KLHL2: variants seen among roughly 807,000 people sequenced by gnomAD.
KLHL2 encodes the protein kelch like family member 2, also known as kelch-like protein 2.
A neutral mutation model predicts 75.8 loss-of-function variants in KLHL2; 15 were observed. The observed-to-expected ratio is 0.20, with a 90% CI of 0.13 to 0.30. The LOEUF (loss-of-function observed/expected upper bound fraction) is 0.30. Ranked by LOEUF, KLHL2 falls within the 10% of genes least tolerant of loss-of-function variation. The pLI is 1.00. For missense variants in KLHL2, 381 were observed against 741.0 expected, an observed-to-expected ratio of 0.51 and a Z score of 5.64; for synonymous variants, 214 against 251.9, an observed-to-expected ratio of 0.85 and a Z score of 1.42.
intron 1 of KLHL2, chr4:165,209,269 G>A (rs1737044648): frequency 6.6e-6 from 1 of 152,198 alleles, no homozygotes; most frequent in Admixed American, 6.5e-5. Context: ...TGAGCACACG[G>A]GGGTCTGCCC....
intron 11 of KLHL2, 75 bp from the exon 12 acceptor site, chr4:165,313,163 C>T (rs1746337906): frequency 6.8e-7 from 1 of 1,461,242 alleles, no homozygotes; most frequent in Non-Finnish European, 9.4e-7. Context: ...TTAATATTTT[C>T]TGGCTTGAAA....
intron 5 of KLHL2, among the ~76,000 whole-genome samples, chr4:165,270,685 C>T (rs1742616955): frequency 2.0e-5 from 3 of 152,196 alleles, no homozygotes; most frequent in Non-Finnish European, 2.9e-5. Context: ...CTGATCCTCC[C>T]TCTGGAAGCT....
intron 2 of KLHL2, among the ~76,000 whole-genome samples, chr4:165,228,071 TA>T (rs1738594863): frequency 1.3e-5 from 2 of 152,320 alleles, no homozygotes; most frequent in African/African-American, 4.8e-5. Flanking sequence ...CTAATATTTG[TA>T]TTTTTAATAG....
Position 165,313,317 on chromosome 4 carries a change from A to C in KLHL2, c.1419A>C (p.Thr473=). The C allele has an allele frequency of 1.3e-6, 2 of 1,588,886 alleles. No individual in the cohort carries two copies. Among genetic ancestry groups the C allele is most frequent in the Non-Finnish European group, 1.7e-6 (2 of 1,170,446 alleles). The change falls in exon 12 of 15, where the codon ACA becomes ACC. Residue 473 remains threonine, a synonymous_variant. Transcript: ENST00000226725. The part of the protein sequence containing the change: ...LSTVECYNAT[T]NEWTYIAEMS... Reference sequence around the variant, plus strand: ...CAGTAGAATGCTATAATGCTACAACAAATGAGTGGACCTATATAGCAGAAA... The same window carrying C: ...CAGTAGAATGCTATAATGCTACAACCAATGAGTGGACCTATATAGCAGAAA...
Position 165,207,755 on chromosome 4 carries a change from C to T in KLHL2, c.-122C>T. ...GTGGTGGCGCGCGGTGAGGAGAGCG[C>T]GGCGCCCCCTCCGGGGCGGATGGAA... On this transcript the variant is annotated 5_prime_UTR_variant, in exon 1 of 15. Coordinates refer to ENST00000226725, the MANE Select transcript of KLHL2 (RefSeq NM_007246.4). This position sits in a 1 kb window ranked among gnomAD's most constrained non-coding sequence, Gnocchi z 4.2. The T allele has an allele frequency of 1.3e-6, 1 of 755,288 alleles. No individual in the cohort carries two copies. The highest frequency in any genetic ancestry group is 2.3e-5 in the South Asian group (1 of 42,594). 46.8% of individuals were successfully genotyped at this position (755,288 alleles called of 1,614,324 possible). A position where few individuals can be genotyped will look rare whatever the true frequency, so the allele number is the denominator to read the frequency against.
chr4:165,272,851 C>T lies in KLHL2; in HGVS notation c.544+9492C>T, dbSNP rs569265862. On this transcript the variant is annotated intron_variant, in intron 5 of 14. Transcript: ENST00000226725. Reference sequence around the variant, plus strand: ...TCTGTTTCTTAGTTTGTAGAATCCTCCTTTGTAATTATGCCAAGAATTTTT... The same window carrying T: ...TCTGTTTCTTAGTTTGTAGAATCCTTCTTTGTAATTATGCCAAGAATTTTT... Among the ~76,000 whole-genome samples the T allele has an allele frequency of 2.8e-4, 43 of 152,284 alleles. 1 individual carries two copies. The highest frequency in any genetic ancestry group is 1.8e-4 in the Non-Finnish European group (12 of 68,022).
At chr4:165,308,353 G>A (rs1412479833) in intron 9 of KLHL2, among the ~76,000 whole-genome samples, 1 of 152,122 alleles carries the variant, frequency 6.6e-6, no homozygotes, top group Non-Finnish European at 1.5e-5. Context: ...ATTGCAAAAT[G>A]TATTCTTTAC....
chr4:165,211,682 A>G (rs917327102), intron 1 of KLHL2, among the ~76,000 whole-genome samples: 3 of 152,226 alleles, frequency 2.0e-5, no homozygotes, highest in African/African-American at 7.2e-5. Context: ...AAACAAGGTA[A>G]TGGTGAAAGA....
At position 165,269,167 on chromosome 4, in the gene KLHL2, G is replaced by T. The variant is rs1451407064; in HGVS notation, c.544+5808G>T. Among the ~76,000 whole-genome samples, 3 of 151,946 alleles carry T rather than the reference G, an allele frequency of 2.0e-5. No homozygotes were observed. In the South Asian group the frequency reaches 6.2e-4, roughly 32 times the overall value. On this transcript the variant is annotated intron_variant, in intron 5 of 14. Transcript: ENST00000226725. Reference sequence around the variant, plus strand: ...TTTTTTGTTTTCCATTTGCTTGGTAGATCTTCCTCCATCCCTTTATTTTGA... The same window carrying T: ...TTTTTTGTTTTCCATTTGCTTGGTATATCTTCCTCCATCCCTTTATTTTGA...
intron 1 of KLHL2, among the ~76,000 whole-genome samples, chr4:165,216,239 G>A (rs1490845102): frequency 6.6e-6 from 1 of 152,170 alleles, no homozygotes; most frequent in East Asian, 1.9e-4. Context: ...CCTCATCTGA[G>A]AAGCCACCTG....
At chr4:165,235,481 A>G (rs3901797) in intron 3 of KLHL2, among the ~76,000 whole-genome samples, 66,434 of 151,896 alleles carry the variant, frequency 0.44, 15,551 homozygotes, top group African/African-American at 0.6. Context: ...GATTACAGGC[A>G]TGAGCCCCTG....
intron 4 of KLHL2, among the ~76,000 whole-genome samples, chr4:165,259,229 A>G (rs1202646502): frequency 6.6e-6 from 1 of 151,984 alleles, no homozygotes; most frequent in Admixed American, 6.6e-5. Flanking sequence ...CAGCCTCTCA[A>G]GTAGCTGGGA....
chr4:165,279,235 G>C (rs773042644), intron 5 of KLHL2: 1 of 1,537,662 alleles, frequency 6.5e-7, no homozygotes, highest in South Asian at 1.1e-5. Context: ...TCTTGGACTT[G>C]ACAAAGTTAT....
intron 5 of KLHL2, among the ~76,000 whole-genome samples, chr4:165,285,667 A>G (rs1019163769): frequency 2.6e-5 from 4 of 152,142 alleles, no homozygotes; most frequent in Non-Finnish European, 5.9e-5. Context: ...TCGGCCTCCC[A>G]AAGTGCTGGG....
At chr4:165,262,542 C>T (rs1213835502) in intron 4 of KLHL2, among the ~76,000 whole-genome samples, 1 of 152,118 alleles carries the variant, frequency 6.6e-6, no homozygotes, top group Non-Finnish European at 1.5e-5. Context: ...TCATAGCACC[C>T]CCTAGCATCC....
Position 165,313,251 on chromosome 4 carries a change from T to C in KLHL2, c.1353T>C (p.Ala451=), listed in dbSNP as rs1746344100. ...GVGVVGGLLY[A]VGGYDGASRQ... ...TTTTATGTGTAGGTTTGCTCTATGC[T>C]GTAGGAGGTTATGATGGAGCATCAC... The change falls in exon 12 of 15, where the codon GCT becomes GCC. Residue 451 remains alanine, a synonymous_variant. Coordinates refer to ENST00000226725, the MANE Select transcript of KLHL2 (RefSeq NM_007246.4). 8 of 1,610,960 alleles carry C rather than the reference T, an allele frequency of 5.0e-6. No homozygotes were observed. The South Asian group carries it at 8.8e-5, about 18-fold the overall frequency.
At chr4:165,295,617 G>T (rs1338315410) in intron 6 of KLHL2, among the ~76,000 whole-genome samples, 1 of 152,184 alleles carries the variant, frequency 6.6e-6, no homozygotes, top group Non-Finnish European at 1.5e-5. Context: ...AATGGGATAG[G>T]TATGGGGATG....
At chr4:165,311,809 C>CTCTG (rs1367964726) in intron 11 of KLHL2, among the ~76,000 whole-genome samples, 11 of 144,788 alleles carry the variant, frequency 7.6e-5, no homozygotes, top group Admixed American at 2.8e-4. Flanking sequence ...TCCTTTCTCT[C>CTCTG]TGTGTGTGTG....
chr4:165,284,009 TGGGACACAGGGCA>T (rs938901004), intron 5 of KLHL2, among the ~76,000 whole-genome samples: 3 of 152,202 alleles, frequency 2.0e-5, no homozygotes, highest in Non-Finnish European at 4.4e-5. Flanking sequence ...CTGGAGTGGC[TGGGACACAGGGCA>T]CCGTGTCCTT....
Sources: gnomAD v4.1 joint callset for allele counts (sites outside exome capture counted in the v4.1 genomes callset) on GRCh38, gnomAD v4.1.1 for gene constraint, Gnocchi (gnomAD v3.1) non-coding constraint, MANE v1.5 for transcripts, NCBI Gene and HGNC (gene_info 2026-07-23, HGNC 2026-07-21) for gene names.